The following PLA1A variants were observed in gnomAD, a reference collection of about 807,000 sequenced individuals.
PLA1A encodes the protein phospholipase A1 member A.
A neutral mutation model predicts 49.4 loss-of-function variants in PLA1A; 47 were observed. The ratio of observed to expected loss-of-function variants is 0.95; its 90% confidence interval spans 0.75 to 1.21. The LOEUF (loss-of-function observed/expected upper bound fraction) is 1.21, where lower values mean the gene tolerates loss of function less well. Among genes scored for constraint, PLA1A ranks in the 50% most tolerant of loss-of-function variants. The probability of loss-of-function intolerance (pLI) is 0.00; values close to 1 mark genes in which losing one functional copy is unlikely to be tolerated. For missense variants in PLA1A, 561 were observed against 563.9 expected, an observed-to-expected ratio of 0.99 and a Z score of 0.05; for synonymous variants, 224 against 207.9, an observed-to-expected ratio of 1.08 and a Z score of -0.67.
chr3:119,608,354 A>C (rs2082722650), intron 2 of PLA1A, among the ~76,000 whole-genome samples: 1 of 152,252 alleles, frequency 6.6e-6, no homozygotes, highest in Non-Finnish European at 1.5e-5. Context: ...TTAAGATCGC[A>C]AATCTTAACT....
chr3:119,620,343 C>T (rs1452668331), intron 8 of PLA1A: 1 of 325,882 alleles, frequency 3.1e-6, no homozygotes, highest in African/African-American at 2.2e-5. Context: ...AAACAACATG[C>T]CACCCAATTT....
intron 5 of PLA1A, among the ~76,000 whole-genome samples, chr3:119,614,666 G>T (rs144890119): frequency 1.0e-3 from 152 of 149,744 alleles, no homozygotes; most frequent in African/African-American, 3.6e-3. Flanking sequence ...CTAAATATGT[G>T]ACTTATTAGG....
chr3:119,608,446 A>G (rs149330362), intron 2 of PLA1A, among the ~76,000 whole-genome samples: 4 of 152,376 alleles, frequency 2.6e-5, no homozygotes, highest in Admixed American at 6.5e-5. Context: ...TATGTGGTTT[A>G]TGCCTTGTGC....
chr3:119,612,306 T>C (rs2082777251), intron 4 of PLA1A, among the ~76,000 whole-genome samples: 1 of 152,140 alleles, frequency 6.6e-6, no homozygotes, highest in African/African-American at 2.4e-5. Flanking sequence ...AACTGAGAGA[T>C]GGGAATAGTA....
Position 119,608,839 on chromosome 3 carries a change from T to C in PLA1A, c.345T>C (p.Asn115=), listed in dbSNP as rs777808563. ...IRTLLRATNA[N]VIAVDWIYGS... is the part of the protein sequence containing the mutation. Reference sequence around the variant, plus strand: ...CCCTTCTGCGTGCAACGAATGCTAATGTGATTGCCGTGGACTGGATTTATG... The same window carrying C: ...CCCTTCTGCGTGCAACGAATGCTAACGTGATTGCCGTGGACTGGATTTATG... Residue 115 remains asparagine, a synonymous_variant, in exon 3 of 11, where the codon AAT becomes AAC. Coordinates refer to ENST00000273371, the MANE Select transcript of PLA1A (RefSeq NM_015900.4). 6.8e-6 allele frequency: 11 copies of C among 1,613,538 alleles called. No individual in the cohort carries two copies. Among genetic ancestry groups the C allele is most frequent in the Middle Eastern group, 1.6e-4 (1 of 6,082 alleles).
Position 119,628,795 on chromosome 3 carries a change from C to A in PLA1A, c.1216C>A (p.Arg406=). Residue 406 remains arginine (R), a synonymous_variant, in exon 10 of 11, where the codon CGA becomes AGA. Coordinates refer to ENST00000273371, the MANE Select transcript of PLA1A (RefSeq NM_015900.4). ...GAAATTCAAGTTTCAGTCTTCCAACCGAGTTTGGAAAAAAGACCGGACTAC... is the reference window on the plus strand; with the variant it reads ...GAAATTCAAGTTTCAGTCTTCCAACAGAGTTTGGAAAAAAGACCGGACTAC... The part of the protein sequence containing the change: ...QVKFKFQSSN[R]VWKKDRTTII... 2 of 1,614,008 alleles carry A rather than the reference C, an allele frequency of 1.2e-6. No homozygotes were observed. The highest frequency in any genetic ancestry group is 1.7e-6 in the Non-Finnish European group (2 of 1,179,898).
intron 8 of PLA1A, among the ~76,000 whole-genome samples, chr3:119,624,227 CCA>C (rs1212007856): frequency 6.6e-6 from 1 of 152,148 alleles, no homozygotes; most frequent in East Asian, 1.9e-4. Flanking sequence ...GTTGCATTCT[CCA>C]GAGGGGACAG....
At chr3:119,619,822 C>T (rs1416339035) in intron 8 of PLA1A, among the ~76,000 whole-genome samples, 170 bp downstream of exon 8, 2 of 152,232 alleles carry the variant, frequency 1.3e-5, no homozygotes, top group Non-Finnish European at 2.9e-5. Flanking sequence ...CAACCGATTG[C>T]TCTTCAGATG....
chr3:119,609,473 G>T lies in PLA1A; in HGVS notation c.459G>T (p.Leu153=), dbSNP rs140419248. Residue 153 remains leucine (L), a synonymous_variant, in exon 4 of 11, where the codon CTG becomes CTT. Coordinates refer to ENST00000273371, the MANE Select transcript of PLA1A (RefSeq NM_015900.4). Reference sequence around the variant, plus strand: ...CACTGTTCCTGCTCTTCTAGGTGCTGGGTGTGTCGGAATCCTCAATCCACA... The same window carrying T: ...CACTGTTCCTGCTCTTCTAGGTGCTTGGTGTGTCGGAATCCTCAATCCACA... ...ISLFLNKLLV[L]GVSESSIHII... The T allele has an allele frequency of 1.9e-6, 3 of 1,602,858 alleles. No homozygotes were observed. The Admixed American group carries it at 5.0e-5, about 27-fold the overall frequency.
chr3:119,629,754 T>C lies in PLA1A; in HGVS notation c.*286T>C, dbSNP rs1325443672. 2.6e-6 allele frequency: 1 copy of C among 387,546 alleles called. No individual in the cohort carries two copies. Among genetic ancestry groups the C allele is most frequent in the Non-Finnish European group, 4.6e-6 (1 of 215,836 alleles). 24.0% of individuals were successfully genotyped at this position (387,546 alleles called of 1,614,324 possible). On this transcript the variant is annotated 3_prime_UTR_variant, in exon 11 of 11. Coordinates refer to ENST00000273371, the MANE Select transcript of PLA1A (RefSeq NM_015900.4). Reference sequence around the variant, plus strand: ...TTGGGCATTCGTACTTAGGATTCAATAGAAACATGTACAGGGTAAACAATT... The same window carrying C: ...TTGGGCATTCGTACTTAGGATTCAACAGAAACATGTACAGGGTAAACAATT...
At position 119,625,197 on chromosome 3, in the gene PLA1A, T is replaced by G. The variant is rs751671766; in HGVS notation, c.1086T>G (p.Leu362=). The G allele has an allele frequency of 6.2e-7, 1 of 1,612,936 alleles. No individual in the cohort carries two copies. The highest frequency in any genetic ancestry group is 1.1e-5 in the South Asian group (1 of 91,054). ...NKDTNIEVTF[L]SSNITSSSKI... ...ACACCAACATCGAGGTTACCTTCCT[T>G]AGCAGTAACATCACCTCTTCATCTA... The change falls in exon 9 of 11, where the codon CTT becomes CTG. Residue 362 remains leucine (L), a synonymous_variant. Coordinates refer to ENST00000273371, the MANE Select transcript of PLA1A (RefSeq NM_015900.4).
At chr3:119,600,634 A>G (rs2082606090) in intron 1 of PLA1A, among the ~76,000 whole-genome samples, 1 of 152,244 alleles carries the variant, frequency 6.6e-6, no homozygotes, top group Non-Finnish European at 1.5e-5. Flanking sequence ...CTGAGAAGAA[A>G]GAAATTGAGC....
intron 6 of PLA1A, among the ~76,000 whole-genome samples, chr3:119,617,560 T>A (rs890703054): frequency 6.6e-6 from 1 of 151,888 alleles, no homozygotes. Context: ...CTGGCCAATA[T>A]GGCAAAACCC....
intron 2 of PLA1A, among the ~76,000 whole-genome samples, chr3:119,607,916 G>C (rs1245711616): frequency 6.6e-6 from 1 of 152,096 alleles, no homozygotes; most frequent in African/African-American, 2.4e-5. Flanking sequence ...TGCTCTCTTT[G>C]CTTCTATACT....
chr3:119,625,349 C>T (rs994793871), intron 9 of PLA1A, 117 bp downstream of exon 9: 15 of 675,192 alleles, frequency 2.2e-5, no homozygotes, highest in Non-Finnish European at 3.7e-5. Context: ...TGGGCCCAGC[C>T]GGCTTGGCTG....
At chr3:119,622,017 G>A (rs986668541) in intron 8 of PLA1A, among the ~76,000 whole-genome samples, 1 of 151,992 alleles carries the variant, frequency 6.6e-6, no homozygotes, top group Non-Finnish European at 1.5e-5. Context: ...AGAGGAGTTC[G>A]AGACTGCAGT....
intron 9 of PLA1A, among the ~76,000 whole-genome samples, chr3:119,626,910 A>G (rs188325144): frequency 2.6e-5 from 4 of 152,292 alleles, no homozygotes; most frequent in Admixed American, 6.5e-5. Context: ...AGGTTGTGCT[A>G]CTTCTAGAAG....
intron 3 of PLA1A, among the ~76,000 whole-genome samples, 180 bp from the exon 4 acceptor site, chr3:119,609,288 G>A (rs2082733734): frequency 6.6e-6 from 1 of 152,186 alleles, no homozygotes; most frequent in African/African-American, 2.4e-5. Flanking sequence ...TCAGGGTGGG[G>A]AGCCCAGGAA....
rs9857345 is a variant in PLA1A at position 119,612,612 on chromosome 3, C to T, written c.563-405C>T. Among the ~76,000 whole-genome samples the T allele has an allele frequency of 4.5e-3, 680 of 152,156 alleles. 3 individuals carry two copies. Among genetic ancestry groups the T allele is most frequent in the African/African-American group, 0.016 (645 of 41,512 alleles). ...CACGCCATTCTTCTGCCTCAGCCTC[C>T]CGAGTCGCTGGAACTACAGGCGCCC... On this transcript the variant is annotated intron_variant, in intron 4 of 10. Transcript: ENST00000273371.
Sources: gnomAD v4.1 joint callset for allele counts (sites outside exome capture counted in the v4.1 genomes callset) on GRCh38, gnomAD v4.1.1 for gene constraint, MANE v1.5 for transcripts, NCBI Gene and HGNC (gene_info 2026-07-23, HGNC 2026-07-21) for gene names.